RANBP9: variants seen among roughly 807,000 people sequenced by gnomAD.
RANBP9 encodes RAN binding protein 9.
Under a neutral mutation model 84.3 loss-of-function variants are expected in RANBP9, and 15 were observed. The ratio of observed to expected loss-of-function variants is 0.18; its 90% CI spans 0.12 to 0.27. The LOEUF is 0.27. Ranked by LOEUF, RANBP9 falls within the 10% of genes least tolerant of loss-of-function variation. The pLI is 1.00. For missense variants in RANBP9, 809 were observed against 912.8 expected, an observed-to-expected ratio of 0.89 and a Z score of 1.46; for synonymous variants, 392 against 349.6, an observed-to-expected ratio of 1.12 and a Z score of -1.35.
chr6:13,682,936 G>A (rs756227955), intron 2 of RANBP9, among the ~76,000 whole-genome samples: 4 of 152,104 alleles, frequency 2.6e-5, no homozygotes, highest in Non-Finnish European at 5.9e-5. Context: ...AGTAAATATA[G>A]CAAAATCTTA....
At chr6:13,693,145 A>G (rs781244281) in intron 2 of RANBP9, among the ~76,000 whole-genome samples, 5 of 152,210 alleles carry the variant, frequency 3.3e-5, no homozygotes, top group Admixed American at 6.5e-5. Context: ...CTCCTAAACT[A>G]GGACTTGAAG....
intron 5 of RANBP9, among the ~76,000 whole-genome samples, chr6:13,646,497 G>A (rs1034792877): frequency 2.6e-5 from 4 of 152,048 alleles, no homozygotes; most frequent in Non-Finnish European, 4.4e-5. Flanking sequence ...AAGCATATAA[G>A]CCAAACACAA....
intron 1 of RANBP9, among the ~76,000 whole-genome samples, chr6:13,702,678 A>C (rs966955307): frequency 1.3e-5 from 2 of 152,120 alleles, no homozygotes; most frequent in African/African-American, 2.4e-5. Context: ...TAGAAGCTAA[A>C]CACCAGGTAA....
chr6:13,700,414 C>G (rs1485393298), intron 1 of RANBP9, among the ~76,000 whole-genome samples: 2 of 152,216 alleles, frequency 1.3e-5, no homozygotes, highest in African/African-American at 2.4e-5. Flanking sequence ...CGCATCAGCA[C>G]TATTTCAATT....
rs9475120 is a variant in RANBP9 at position 13,710,091 on chromosome 6, T to A, written c.571+844A>T. On this transcript the variant is annotated intron_variant, in intron 1 of 13. Coordinates refer to ENST00000011619, the MANE Select transcript of RANBP9 (RefSeq NM_005493.3). ...AATTCATAATTTTATATACAACTGA[T>A]TTGCTTCCAGCTTTGTTTTAACCTA... Among the ~76,000 whole-genome samples the A allele has an allele frequency of 9.4e-3, 1,439 of 152,296 alleles. 15 individuals carry two copies. Among genetic ancestry groups the A allele is most frequent in the African/African-American group, 0.032 (1,345 of 41,544 alleles).
intron 2 of RANBP9, among the ~76,000 whole-genome samples, chr6:13,677,335 A>C (rs1429060872): frequency 6.6e-6 from 1 of 152,184 alleles, no homozygotes; most frequent in Non-Finnish European, 1.5e-5. Flanking sequence ...AAACTGCTGA[A>C]ATACTCAAAG....
intron 12 of RANBP9, among the ~76,000 whole-genome samples, chr6:13,630,763 G>C (rs903170891): frequency 1.3e-5 from 2 of 151,884 alleles, no homozygotes; most frequent in Non-Finnish European, 2.9e-5. Flanking sequence ...GTCTGTATGC[G>C]AATACAGCTC....
At chr6:13,709,670 G>A (rs1758224686) in intron 1 of RANBP9, among the ~76,000 whole-genome samples, 1 of 152,212 alleles carries the variant, frequency 6.6e-6, no homozygotes, top group Non-Finnish European at 1.5e-5. Flanking sequence ...GATGTATGGC[G>A]AGAATAAAAA....
At chr6:13,698,715 A>G (rs1249262240) in intron 1 of RANBP9, among the ~76,000 whole-genome samples, 1 of 152,218 alleles carries the variant, frequency 6.6e-6, no homozygotes, top group Non-Finnish European at 1.5e-5. Context: ...CTCATTTAAT[A>G]TCCAAAACAA....
At chr6:13,644,492 T>A in intron 6 of RANBP9, 53 bp downstream of exon 6, 1 of 1,537,158 alleles carries the variant, frequency 6.5e-7, no homozygotes, top group Non-Finnish European at 8.9e-7. Context: ...AGAATAAATG[T>A]CTTATAAAAA....
At chr6:13,644,141 C>CA (rs1765127588) in intron 6 of RANBP9, among the ~76,000 whole-genome samples, 1 of 152,070 alleles carries the variant, frequency 6.6e-6, no homozygotes, top group Admixed American at 6.6e-5. Flanking sequence ...AGTTCATGAC[C>CA]AAAAACCACA....
At chr6:13,685,372 A>G (rs1187206372) in intron 2 of RANBP9, among the ~76,000 whole-genome samples, 1 of 152,218 alleles carries the variant, frequency 6.6e-6, no homozygotes, top group Non-Finnish European at 1.5e-5. Flanking sequence ...AACATACTAT[A>G]ACTGCTACAT....
chr6:13,641,165 A>ACAAATATTTATAATATG (rs1765053795), intron 8 of RANBP9, 34 bp downstream of exon 8: 1 of 1,237,032 alleles, frequency 8.1e-7, no homozygotes, highest in East Asian at 2.6e-5. Flanking sequence ...TTTATAATAT[A>ACAAATATTTATAATATG]TAACAAATAT....
At position 13,634,474 on chromosome 6, in the gene RANBP9, G is replaced by A. The variant is rs749249260; in HGVS notation, c.1752C>T (p.Ser584=). 1 of 1,613,566 alleles carries A rather than the reference G, an allele frequency of 6.2e-7. No homozygotes were observed. Among genetic ancestry groups the A allele is most frequent in the East Asian group, 2.2e-5 (1 of 44,858 alleles). The change falls in exon 11 of 14, where the codon AGC becomes AGT. Residue 584 remains serine, a synonymous_variant. Coordinates refer to ENST00000011619, the MANE Select transcript of RANBP9 (RefSeq NM_005493.3). ...ETSSNGFLNG[S]SKHDHEMEDC... ...CTTCCATTTCGTGGTCATGTTTAGA[G>A]CTACCATTTAGGAAACCATTGGATG...
chr6:13,650,501 GCAGCTGTCATGACA>G (rs1220006182), intron 5 of RANBP9, among the ~76,000 whole-genome samples: 2 of 152,066 alleles, frequency 1.3e-5, no homozygotes, highest in African/African-American at 4.8e-5. Context: ...CTATGGTCAG[GCAGCTGTCATGACA>G]CAGCTGTCAA....
chr6:13,640,281 T>C (rs1765034685), intron 8 of RANBP9, among the ~76,000 whole-genome samples: 1 of 152,154 alleles, frequency 6.6e-6, no homozygotes, highest in African/African-American at 2.4e-5. Flanking sequence ...TGAAGCTCAG[T>C]AACATCTCAT....
intron 13 of RANBP9, among the ~76,000 whole-genome samples, chr6:13,622,880 G>A (rs1764493585): frequency 6.6e-6 from 1 of 152,176 alleles, no homozygotes; most frequent in African/African-American, 2.4e-5. Context: ...AAGGCACCAG[G>A]TTTTCATTAC....
rs542179632 is a variant in RANBP9 at position 13,676,376 on chromosome 6, T to A, written c.684-17544A>T. Among the ~76,000 whole-genome samples, 3 of 151,772 alleles carry A rather than the reference T, an allele frequency of 2.0e-5. No homozygotes were observed. The East Asian group carries it at 5.8e-4, about 29-fold the overall frequency. On this transcript the variant is annotated intron_variant, in intron 2 of 13. Transcript: ENST00000011619. ...GCTTCAGGGTAATTCCAACCAAACA[T>A]GTAAGGAAGAAATAACACAACTGTC...
At position 13,704,428 on chromosome 6, in the gene RANBP9, G is replaced by A. The variant is rs1406556716; in HGVS notation, c.571+6507C>T. Among the ~76,000 whole-genome samples, 75 of 152,038 alleles carry A rather than the reference G, an allele frequency of 4.9e-4. 1 individual carries two copies. The highest frequency in any genetic ancestry group is 4.9e-3 in the Admixed American group (75 of 15,258). ...AGATGGCTTGAGCTCAGGAATTCGAGACCAGCCTGGGCAACATGGCAAAAC... is the reference window on the plus strand; with the variant it reads ...AGATGGCTTGAGCTCAGGAATTCGAAACCAGCCTGGGCAACATGGCAAAAC... On this transcript the variant is annotated intron_variant, in intron 1 of 13. Transcript: ENST00000011619.
Sources: allele counts gnomAD v4.1 joint callset (sites outside exome capture counted in the v4.1 genomes callset), GRCh38; gene constraint gnomAD v4.1.1; transcripts MANE v1.5; gene names NCBI Gene and HGNC (gene_info 2026-07-23, HGNC 2026-07-21).